SUGCT: variants seen among roughly 807,000 people sequenced by gnomAD.
SUGCT encodes succinyl-CoA:glutarate CoA-transferase.
A neutral mutation model predicts 55.0 loss-of-function variants in SUGCT; 41 were observed. That is an observed-to-expected ratio of 0.74 (90% CI 0.58 to 0.97). The LOEUF is 0.97. Among genes scored for constraint, SUGCT ranks in the 50% least tolerant of loss-of-function variants. The pLI, the probability that SUGCT is intolerant of heterozygous loss-of-function variation, is 0.00. For synonymous variants in SUGCT, 187 were observed against 200.4 expected, an observed-to-expected ratio of 0.93 and a Z score of 0.56; for missense variants, 568 against 547.8, an observed-to-expected ratio of 1.04 and a Z score of -0.37.
chr7:40,815,561 C>A (rs1791626441), intron 13 of SUGCT, among the ~76,000 whole-genome samples: 1 of 151,906 alleles, frequency 6.6e-6, no homozygotes, highest in South Asian at 2.1e-4. Flanking sequence ...ACACCAAGTT[C>A]TCTGCTCGGG....
At chr7:40,316,946 C>T in intron 9 of SUGCT, 91 bp downstream of exon 9, 4 of 348,528 alleles carry the variant, frequency 1.1e-5, no homozygotes, top group South Asian at 7.1e-5. Context: ...ATACACAAAT[C>T]CTTCAGCTGT....
intron 12 of SUGCT, among the ~76,000 whole-genome samples, chr7:40,729,313 TC>T (rs1048225312): frequency 6.6e-6 from 1 of 152,224 alleles, no homozygotes; most frequent in African/African-American, 2.4e-5. Flanking sequence ...AGTGAGCATG[TC>T]CCCTTTTCTC....
chr7:40,273,710 T>C (rs9639831), intron 7 of SUGCT, among the ~76,000 whole-genome samples: 60,525 of 152,008 alleles, frequency 0.4, 12,235 homozygotes, highest in East Asian at 0.46. Flanking sequence ...GAGACATGTC[T>C]GGGACATTGA....
At chr7:40,261,094 A>C (rs531685378) in intron 7 of SUGCT, among the ~76,000 whole-genome samples, 2 of 152,306 alleles carry the variant, frequency 1.3e-5, no homozygotes, top group East Asian at 3.9e-4. Flanking sequence ...AGGGATATAA[A>C]GTAGACTTTC....
the SUGCT span, among the ~76,000 whole-genome samples, chr7:40,909,056 TC>T: frequency 2.0e-5 from 3 of 152,296 alleles, no homozygotes; most frequent in South Asian, 6.2e-4. Context: ...TAAGGTTTTT[TC>T]CCCACTTTAT....
chr7:40,595,940 C>T (rs1224515108), intron 12 of SUGCT, among the ~76,000 whole-genome samples: 1 of 152,132 alleles, frequency 6.6e-6, no homozygotes, highest in Non-Finnish European at 1.5e-5. Flanking sequence ...GAAAACATGT[C>T]CTATTTAATT....
At chr7:40,875,479 A>T in the SUGCT span, among the ~76,000 whole-genome samples, 1 of 152,140 alleles carries the variant, frequency 6.6e-6, no homozygotes, top group East Asian at 1.9e-4. Context: ...GCTAATTCCT[A>T]TAACTAATCA....
At chr7:41,026,069 C>T in the SUGCT span, among the ~76,000 whole-genome samples, 1 of 152,234 alleles carries the variant, frequency 6.6e-6, no homozygotes, top group African/African-American at 2.4e-5. Context: ...AAACGCAGGT[C>T]TATGTGTGCT....
chr7:40,280,266 T>C (rs62456134), intron 8 of SUGCT, among the ~76,000 whole-genome samples: 2,810 of 152,306 alleles, frequency 0.018, 38 homozygotes, highest in Non-Finnish European at 0.026. Context: ...TCAAAAATTC[T>C]TTTGATTTTT....
At chr7:40,315,169 G>A (rs974202258) in intron 8 of SUGCT, among the ~76,000 whole-genome samples, 8 of 152,168 alleles carry the variant, frequency 5.3e-5, no homozygotes, top group Admixed American at 5.2e-4. Flanking sequence ...TATAGAGAAT[G>A]TATCAGAAGA....
chr7:40,577,106 T>A (rs1050960731), intron 12 of SUGCT, among the ~76,000 whole-genome samples: 11 of 152,182 alleles, frequency 7.2e-5, no homozygotes, highest in Non-Finnish European at 1.3e-4. Context: ...ACCACCAGGG[T>A]TTGAGAACCA....
At chr7:40,797,082 C>T (rs1369136314) in intron 13 of SUGCT, among the ~76,000 whole-genome samples, 1 of 152,166 alleles carries the variant, frequency 6.6e-6, no homozygotes, top group Non-Finnish European at 1.5e-5. Context: ...CCTCAGTCTA[C>T]AGCATGCATT....
chr7:40,324,547 C>G (rs73135058), intron 9 of SUGCT, among the ~76,000 whole-genome samples: 1 of 152,082 alleles, frequency 6.6e-6, no homozygotes, highest in African/African-American at 2.4e-5. Context: ...TGAGCCACCA[C>G]GCCCAGCCAG....
At chr7:40,533,401 T>C (rs1233960041) in intron 12 of SUGCT, among the ~76,000 whole-genome samples, 1 of 152,082 alleles carries the variant, frequency 6.6e-6, no homozygotes, top group Non-Finnish European at 1.5e-5. Flanking sequence ...CAATTAAGTG[T>C]TAATATTTAT....
At chr7:40,264,646 A>C (rs186844643) in intron 7 of SUGCT, among the ~76,000 whole-genome samples, 2 of 152,212 alleles carry the variant, frequency 1.3e-5, no homozygotes, top group African/African-American at 4.8e-5. Context: ...AAGTCATGAG[A>C]ATAGTGGTTT....
Position 40,436,189 on chromosome 7 carries a change from C to A in SUGCT, c.817-13098C>A, listed in dbSNP as rs1226823486. The stretch of plus-strand genomic sequence containing the variant: ...AACTCCTGACCTCAGGTGATCCTCC[C>A]ACCTCTGCCTCCCAAAGTGCTGGGA... On this transcript the variant is annotated intron_variant, in intron 9 of 13. Transcript: ENST00000335693. 2.6e-5 allele frequency among the ~76,000 whole-genome samples: 4 copies of A among 151,984 alleles called. No homozygotes were observed. In the East Asian group the frequency reaches 7.8e-4, roughly 29 times the overall value.
At chr7:40,339,352 T>C (rs1796913260) in intron 9 of SUGCT, among the ~76,000 whole-genome samples, 1 of 152,190 alleles carries the variant, frequency 6.6e-6, no homozygotes, top group South Asian at 2.1e-4. Flanking sequence ...AGGTGGAGTC[T>C]ACAGAGGCAG....
chr7:40,684,837 GT>G (rs1211643622), intron 12 of SUGCT, among the ~76,000 whole-genome samples: 1 of 151,926 alleles, frequency 6.6e-6, no homozygotes, highest in African/African-American at 2.4e-5. Flanking sequence ...TTTCGTGGTT[GT>G]TTTTGTTGTT....
rs186511567 is a variant in SUGCT, at chr7:40,522,967, A to G, written c.1089+26581A>G. 2.4e-4 allele frequency among the ~76,000 whole-genome samples: 36 copies of G among 152,240 alleles called. 3 individuals carry two copies. Among genetic ancestry groups the G allele is most frequent in the East Asian group, 1.9e-3 (10 of 5,190 alleles). ...ATTTTATGCATAAAAGCTTTATAATATGTAATTAATGTTTGCCAAATTATT... is the reference window on the plus strand; with the variant it reads ...ATTTTATGCATAAAAGCTTTATAATGTGTAATTAATGTTTGCCAAATTATT... On this transcript the variant is annotated intron_variant, in intron 12 of 13. Coordinates refer to ENST00000335693, the MANE Select transcript of SUGCT (RefSeq NM_001193313.2).
Sources: gnomAD v4.1 joint callset for allele counts (sites outside exome capture counted in the v4.1 genomes callset) on GRCh38, gnomAD v4.1.1 for gene constraint, MANE v1.5 for transcripts, NCBI Gene and HGNC (gene_info 2026-07-23, HGNC 2026-07-21) for gene names.